Variants in ARHGEF28 observed in about 807,000 individuals in gnomAD.
ARHGEF28 encodes the protein Rho guanine nucleotide exchange factor 28, also known as 190 kDa guanine nucleotide exchange factor.
In ARHGEF28, 152 loss-of-function variants were observed where a neutral mutation model predicts 206.6. That is an observed-to-expected ratio of 0.74 (90% CI 0.64 to 0.84). The LOEUF (loss-of-function observed/expected upper bound fraction) is 0.84. Among genes scored for constraint, ARHGEF28 ranks in the 40% least tolerant of loss-of-function variants. The pLI, the probability that ARHGEF28 is intolerant of heterozygous loss-of-function variation, is 0.00. For missense variants in ARHGEF28, 2,028 were observed against 2,073.2 expected (o/e 0.98, Z 0.42); for synonymous variants, 763 against 776.4 (o/e 0.98, Z 0.29).
chr5:73,915,852 T>G (rs564230004), intron 35 of ARHGEF28, among the ~76,000 whole-genome samples: 18 of 152,210 alleles, frequency 1.2e-4, no homozygotes, highest in Non-Finnish European at 2.5e-4. Flanking sequence ...TTCCCAAAAG[T>G]TCTCTTCAGT....
chr5:73,686,657 T>C (rs981980960), intron 2 of ARHGEF28, among the ~76,000 whole-genome samples: 1 of 152,028 alleles, frequency 6.6e-6, no homozygotes, highest in African/African-American at 2.4e-5. Context: ...TAGCTGGGAT[T>C]ACAGACACCG....
Position 73,812,327 on chromosome 5 carries a change from A to C in ARHGEF28, c.1024+16936A>C, listed in dbSNP as rs1264200609. On this transcript the variant is annotated intron_variant, in intron 9 of 35. Transcript: ENST00000513042. ...TAACTGAAGCAAAGAAATGAATGTT[A>C]ATTAAGACACATACTGTCACCTTCT... Among the ~76,000 whole-genome samples, 3 of 152,320 alleles carry C rather than the reference A, an allele frequency of 2.0e-5. No homozygotes were observed. In the East Asian group the frequency reaches 5.8e-4, roughly 29 times the overall value.
chr5:73,817,884 T>C (rs977779941), intron 9 of ARHGEF28, among the ~76,000 whole-genome samples: 5 of 152,108 alleles, frequency 3.3e-5, no homozygotes, highest in African/African-American at 1.2e-4. Context: ...TCTTAGCTTC[T>C]CCCTCTCCTC....
At chr5:73,656,895 G>A (rs781723731) in intron 1 of ARHGEF28, among the ~76,000 whole-genome samples, 4 of 152,128 alleles carry the variant, frequency 2.6e-5, no homozygotes, top group Admixed American at 6.5e-5. Flanking sequence ...TGGAGGCTGG[G>A]CGCGGTGGCT....
intron 2 of ARHGEF28, among the ~76,000 whole-genome samples, chr5:73,724,441 A>C (rs1342835182): frequency 6.6e-6 from 1 of 152,150 alleles, no homozygotes; most frequent in Non-Finnish European, 1.5e-5. Context: ...GCATATAGTA[A>C]AATCCCCCCC....
At chr5:73,632,268 A>C (rs559986121) in intron 1 of ARHGEF28, among the ~76,000 whole-genome samples, 1 of 152,268 alleles carries the variant, frequency 6.6e-6, no homozygotes, top group East Asian at 1.9e-4. Context: ...CCCAGATGTA[A>C]ATGGGAGACC....
At chr5:73,823,309 C>T (rs1756707022) in intron 9 of ARHGEF28, among the ~76,000 whole-genome samples, 1 of 152,128 alleles carries the variant, frequency 6.6e-6, no homozygotes, top group Admixed American at 6.5e-5. Flanking sequence ...CAGATATGGT[C>T]GACTTACTGA....
chr5:73,764,049 CT>C (rs1185375729), intron 4 of ARHGEF28, among the ~76,000 whole-genome samples: 1 of 152,182 alleles, frequency 6.6e-6, no homozygotes, highest in Non-Finnish European at 1.5e-5. Context: ...CCAATACTGG[CT>C]TTTATAGTTC....
chr5:73,716,659 G>A (rs1387892793), intron 2 of ARHGEF28, among the ~76,000 whole-genome samples: 2 of 152,164 alleles, frequency 1.3e-5, no homozygotes, highest in East Asian at 3.9e-4. Flanking sequence ...AGCTACCGCA[G>A]ACTCTTAGTT....
chr5:73,831,747 A>G lies in ARHGEF28; in HGVS notation c.1025-591A>G, dbSNP rs1373604748. The stretch of plus-strand genomic sequence containing the variant: ...ACTCTTGTTGCCTAGTCTGGAGTGC[A>G]ATGGCACGGTCTCGGCTCACCGCAA... On this transcript the variant is annotated intron_variant, in intron 9 of 35. Coordinates refer to ENST00000513042, the MANE Select transcript of ARHGEF28 (RefSeq NM_001177693.2). 2.6e-5 allele frequency among the ~76,000 whole-genome samples: 4 copies of G among 152,368 alleles called. 2 individuals carry two copies. In the South Asian group the frequency reaches 8.3e-4, roughly 32 times the overall value.
At chr5:73,735,324 G>A (rs1288692385) in intron 2 of ARHGEF28, among the ~76,000 whole-genome samples, 2 of 151,740 alleles carry the variant, frequency 1.3e-5, no homozygotes, top group African/African-American at 4.8e-5. Context: ...ATTTCATTTA[G>A]CAATGTTAAG....
chr5:73,760,413 C>T (rs899034581), intron 4 of ARHGEF28, among the ~76,000 whole-genome samples: 3 of 151,900 alleles, frequency 2.0e-5, no homozygotes, highest in African/African-American at 7.3e-5. Flanking sequence ...GTTGTGTACA[C>T]ACTCAGTATT....
chr5:73,759,757 T>C (rs1434816680), intron 4 of ARHGEF28, among the ~76,000 whole-genome samples: 1 of 152,134 alleles, frequency 6.6e-6, no homozygotes, highest in Non-Finnish European at 1.5e-5. Flanking sequence ...AGCCATTACA[T>C]AGGAATTAAC....
At chr5:73,692,342 C>G (rs917835497) in intron 2 of ARHGEF28, among the ~76,000 whole-genome samples, 3 of 152,130 alleles carry the variant, frequency 2.0e-5, no homozygotes, top group Non-Finnish European at 4.4e-5. Flanking sequence ...TTAATCATAG[C>G]CACTGACTGA....
chr5:73,853,617 G>A (rs1272187972), intron 14 of ARHGEF28, among the ~76,000 whole-genome samples: 1 of 152,176 alleles, frequency 6.6e-6, no homozygotes, highest in Admixed American at 6.5e-5. Flanking sequence ...GCCCTTGAAA[G>A]ATAGGATGAT....
intron 25 of ARHGEF28, 113 bp from the exon 26 acceptor site, chr5:73,887,490 G>A (rs1207800782): frequency 3.9e-6 from 3 of 771,184 alleles, no homozygotes; most frequent in Non-Finnish European, 6.1e-6. Flanking sequence ...TCATAATACA[G>A]GTATTTTTAT....
chr5:73,718,564 C>T (rs1025943577), intron 2 of ARHGEF28, among the ~76,000 whole-genome samples: 5 of 152,122 alleles, frequency 3.3e-5, no homozygotes, highest in African/African-American at 1.2e-4. Context: ...GCATCTGTGT[C>T]TGCAGGCATA....
chr5:73,908,110 C>T (rs1762649666), intron 33 of ARHGEF28, among the ~76,000 whole-genome samples: 1 of 152,086 alleles, frequency 6.6e-6, no homozygotes, highest in African/African-American at 2.4e-5. Flanking sequence ...GGATGATAAT[C>T]ATTGTTTTAT....
chr5:73,761,794 G>A (rs530492026), intron 4 of ARHGEF28, among the ~76,000 whole-genome samples: 2 of 152,206 alleles, frequency 1.3e-5, no homozygotes, highest in East Asian at 1.9e-4. Flanking sequence ...CATGAGTGAC[G>A]GATGTGAGCC....
Sources: allele counts gnomAD v4.1 joint callset (sites outside exome capture counted in the v4.1 genomes callset), GRCh38; gene constraint gnomAD v4.1.1; transcripts MANE v1.5; gene names NCBI Gene and HGNC (gene_info 2026-07-23, HGNC 2026-07-21).